Variants in EFCAB7 observed in about 807,000 individuals in gnomAD.
EFCAB7 encodes the protein EF-hand calcium binding domain 7.
In EFCAB7, 66 loss-of-function variants were observed where a neutral mutation model predicts 77.1. The observed-to-expected ratio is 0.86, with a 90% confidence interval of 0.70 to 1.05. EFCAB7 has a LOEUF of 1.05. Among genes scored for constraint, EFCAB7 ranks in the 50% least tolerant of loss-of-function variants. EFCAB7 has a pLI of 0.00. For missense variants in EFCAB7, 638 were observed against 730.5 expected (o/e 0.87, Z 1.46); for synonymous variants, 225 against 243.3 (o/e 0.92, Z 0.70).
At chr1:63,562,494 TAA>T (rs1557687334) in intron 11 of EFCAB7, among the ~76,000 whole-genome samples, 25 of 102,072 alleles carry the variant, frequency 2.4e-4, no homozygotes, top group African/African-American at 1.2e-3. Flanking sequence ...TATATATATA[TAA>T]AACTTTTTTT....
chr1:63,531,393 G>A (rs1289297194), intron 2 of EFCAB7, among the ~76,000 whole-genome samples: 2 of 152,072 alleles, frequency 1.3e-5, no homozygotes, highest in Non-Finnish European at 2.9e-5. Context: ...AGTCATTAAG[G>A]TATTTATTTA....
intron 7 of EFCAB7, 93 bp from the exon 8 acceptor site, chr1:63,551,632 C>A: frequency 2.2e-5 from 11 of 494,038 alleles, no homozygotes; most frequent in East Asian, 7.8e-5. Flanking sequence ...AAGAAAATAT[C>A]CAAGAAGAAA....
chr1:63,524,035 G>A (rs1013828968), intron 1 of EFCAB7, among the ~76,000 whole-genome samples: 2 of 152,068 alleles, frequency 1.3e-5, no homozygotes, highest in African/African-American at 2.4e-5. Context: ...CCAAGCCTGC[G>A]GGGGGTGCAA....
intron 6 of EFCAB7, 135 bp downstream of exon 6, chr1:63,534,351 C>G: frequency 1.5e-6 from 1 of 670,738 alleles, no homozygotes; most frequent in Non-Finnish European, 2.4e-6. Context: ...TAATTTCTAC[C>G]TGTAAGCTAG....
In EFCAB7 at chr1:63,534,922, TA is replaced by T. The variant is rs201171333; in HGVS notation, c.804+710del. Among the ~76,000 whole-genome samples the T allele has an allele frequency of 4.0e-3, 604 of 152,174 alleles. 13 individuals are homozygous for T. The highest frequency in any genetic ancestry group is 0.036 in the Admixed American group (553 of 15,272). ...CTAGAGAGTGACATTTGTTCTATAT[TA>T]AAATTTTAAAACATTATCTCCAAGG... On this transcript the variant is annotated intron_variant, in intron 6 of 13. Coordinates refer to ENST00000371088, the MANE Select transcript of EFCAB7 (RefSeq NM_032437.4).
chr1:63,556,096 T>C (rs1008256124), intron 9 of EFCAB7, among the ~76,000 whole-genome samples: 4 of 152,076 alleles, frequency 2.6e-5, no homozygotes, highest in South Asian at 2.1e-4. Flanking sequence ...AGAGTGGTTA[T>C]AGCAGCTGGA....
At position 63,557,115 on chromosome 1, in the gene EFCAB7, T is replaced by G; in HGVS notation, c.1216T>G (p.Ser406Ala). 6.4e-7 allele frequency: 1 copy of G among 1,567,540 alleles called. No individual in the cohort carries two copies. Among genetic ancestry groups the G allele is most frequent in the East Asian group, 2.3e-5 (1 of 43,874 alleles). ...AACTAGCTATTTTTATAATTTTAGG[T>G]CTACTTTATCAGATATATTTGAAGT... ...GELFLTKEFK[S>A]TLSDIFEVID... Residue 406 changes from serine (S) to alanine (A), a missense_variant and splice_region_variant, in exon 10 of 14, where the codon TCT (serine) becomes GCT (alanine). By Grantham distance (99) the Ser-to-Ala change is moderately conservative. Coordinates refer to ENST00000371088, the MANE Select transcript of EFCAB7 (RefSeq NM_032437.4).
chr1:63,538,572 G>A (rs1310872711), intron 6 of EFCAB7, among the ~76,000 whole-genome samples: 3 of 151,910 alleles, frequency 2.0e-5, no homozygotes, highest in Non-Finnish European at 2.9e-5. Context: ...TCCTGCCTCA[G>A]CCTCCTGAGT....
chr1:63,548,062 A>C (rs906194677), intron 7 of EFCAB7: 3 of 152,294 alleles, frequency 2.0e-5, no homozygotes, highest in Non-Finnish European at 2.9e-5. Context: ...CTTCCACAGA[A>C]GGCAAGGGAG....
chr1:63,543,388 A>T (rs1222749291), intron 6 of EFCAB7, among the ~76,000 whole-genome samples: 1 of 152,204 alleles, frequency 6.6e-6, no homozygotes, highest in Non-Finnish European at 1.5e-5. Context: ...CTCTAGCTTT[A>T]TTCGTTTTCA....
Position 63,534,006 on chromosome 1 carries a change from G to A in EFCAB7, c.683-89G>A, listed in dbSNP as rs796417790. 4 of 1,389,994 alleles carry A rather than the reference G, an allele frequency of 2.9e-6. No individual in the cohort carries two copies. In the African/African-American group the frequency reaches 5.7e-5, roughly 20 times the overall value. 86.1% of individuals were successfully genotyped at this position (1,389,994 alleles called of 1,614,324 possible). A position where few individuals can be genotyped will look rare whatever the true frequency, so the allele number is the denominator to read the frequency against. On this transcript the variant is annotated intron_variant, in intron 5 of 13. Transcript: ENST00000371088. ...GAACAAAGAGAATCAAAGTAATACA[G>A]TAGATCTTTTATACTGCACTGTGTT...
At chr1:63,559,676 G>A (rs1321552546) in intron 10 of EFCAB7, among the ~76,000 whole-genome samples, 1 of 152,048 alleles carries the variant, frequency 6.6e-6, no homozygotes, top group Non-Finnish European at 1.5e-5. Flanking sequence ...TGCCCAGGCT[G>A]GTCTCAAACC....
chr1:63,541,390 A>G (rs1237685374), intron 6 of EFCAB7, among the ~76,000 whole-genome samples: 1 of 152,212 alleles, frequency 6.6e-6, no homozygotes, highest in Non-Finnish European at 1.5e-5. Context: ...ACACATGTCA[A>G]TAGCTTTAAA....
intron 4 of EFCAB7, among the ~76,000 whole-genome samples, chr1:63,533,237 TCA>T: frequency 6.6e-6 from 1 of 152,304 alleles, no homozygotes; most frequent in East Asian, 1.9e-4. Flanking sequence ...CATTTTATTT[TCA>T]CACAGAGTAT....
intron 7 of EFCAB7, chr1:63,548,132 G>C (rs1466319558): frequency 6.6e-6 from 1 of 152,440 alleles, no homozygotes; most frequent in Non-Finnish European, 1.5e-5. Context: ...AGGTGGCAGA[G>C]TATTCCAGGT....
chr1:63,573,761 T>C (rs1647334098), downstream of EFCAB7, among the ~76,000 whole-genome samples: 2 of 152,126 alleles, frequency 1.3e-5, no homozygotes, highest in African/African-American at 4.8e-5. Flanking sequence ...GGAGCTCAAA[T>C]GGGCTGTACC....
Position 63,572,571 on chromosome 1 carries a change from T to C in EFCAB7, c.*55T>C. 1 of 1,303,576 alleles carries C rather than the reference T, an allele frequency of 7.7e-7. No individual in the cohort carries two copies. The highest frequency in any genetic ancestry group is 1.0e-6 in the Non-Finnish European group (1 of 975,152). The allele number at this position is 1,303,576 out of a possible 1,614,324, so 80.8% of individuals were successfully genotyped here. On this transcript the variant is annotated 3_prime_UTR_variant, in exon 14 of 14. Transcript: ENST00000371088. ...GAATTATTTCAGATTTAGTCTGTTA[T>C]TTATTAAACAACTAAATGCTACTTA... is the stretch of plus-strand genomic sequence containing the variant.
chr1:63,538,800 G>A (rs1033648338), intron 6 of EFCAB7, among the ~76,000 whole-genome samples: 2 of 152,258 alleles, frequency 1.3e-5, no homozygotes, highest in African/African-American at 4.8e-5. Context: ...AATAACTCTG[G>A]CAGATCTTAA....
intron 3 of EFCAB7, 133 bp downstream of exon 3, chr1:63,532,164 A>G (rs1646705485): frequency 1.5e-6 from 1 of 689,316 alleles, no homozygotes; most frequent in Non-Finnish European, 2.5e-6. Context: ...CATGTTATTT[A>G]TAACGTACTT....
Sources: gnomAD v4.1 joint callset for allele counts (sites outside exome capture counted in the v4.1 genomes callset) on GRCh38, gnomAD v4.1.1 for gene constraint, MANE v1.5 for transcripts, NCBI Gene and HGNC (gene_info 2026-07-23, HGNC 2026-07-21) for gene names.